The following MEIS2 variants were observed in gnomAD, a reference collection of about 807,000 sequenced individuals.
The protein encoded by MEIS2 is Meis homeobox 2, also known as homeobox protein Meis2.
In MEIS2, 9 loss-of-function variants were observed where a neutral mutation model predicts 58.6. The observed-to-expected ratio is 0.15, with a 90% CI of 0.09 to 0.27. The LOEUF (loss-of-function observed/expected upper bound fraction) is 0.27. Among genes scored for constraint, MEIS2 ranks in the 10% least tolerant of loss-of-function variants. The pLI, the probability that MEIS2 is intolerant of heterozygous loss-of-function variation, is 1.00. For missense variants in MEIS2, 427 were observed against 635.0 expected (o/e 0.67, Z 3.52); for synonymous variants, 221 against 228.4 (o/e 0.97, Z 0.29).
intron 8 of MEIS2, among the ~76,000 whole-genome samples, chr15:36,960,936 C>T (rs913380862): frequency 6.6e-6 from 1 of 152,096 alleles, no homozygotes; most frequent in Non-Finnish European, 1.5e-5. Flanking sequence ...AATAAGAAAG[C>T]TCTTACCCAG....
chr15:37,006,277 C>T (rs186847452), intron 8 of MEIS2, among the ~76,000 whole-genome samples: 1 of 152,164 alleles, frequency 6.6e-6, no homozygotes, highest in Admixed American at 6.5e-5. Flanking sequence ...AGATAATTAG[C>T]TATAAATAAT....
At chr15:37,041,131 G>C (rs773773859) in intron 7 of MEIS2, among the ~76,000 whole-genome samples, 2 of 152,188 alleles carry the variant, frequency 1.3e-5, no homozygotes, top group African/African-American at 2.4e-5. Context: ...CTAGTCTTCT[G>C]GTAGTAAGGG....
intron 9 of MEIS2, among the ~76,000 whole-genome samples, chr15:36,947,273 C>A (rs975020980): frequency 2.0e-5 from 3 of 152,002 alleles, no homozygotes; most frequent in Admixed American, 1.3e-4. Context: ...TTTCTGCATA[C>A]TCCCTACTGT....
intron 8 of MEIS2, among the ~76,000 whole-genome samples, chr15:37,012,986 TGAAATTATTTAAACA>T (rs947486862): frequency 6.6e-6 from 1 of 152,084 alleles, no homozygotes; most frequent in Non-Finnish European, 1.5e-5. Context: ...TTAAAAGGCA[TGAAATTATTTAAACA>T]GAAAAAAAGA....
chr15:36,932,823 G>A (rs1567070466), intron 9 of MEIS2, among the ~76,000 whole-genome samples: 2 of 152,322 alleles, frequency 1.3e-5, no homozygotes, highest in South Asian at 2.1e-4. Flanking sequence ...AAAGCTTTGA[G>A]TGGTATGTTG....
intron 6 of MEIS2, among the ~76,000 whole-genome samples, chr15:37,084,911 A>G (rs1892694419): frequency 6.6e-6 from 1 of 152,204 alleles, no homozygotes; most frequent in Admixed American, 6.5e-5. Flanking sequence ...AGAGCTGTAC[A>G]CTTGTCACCT....
chr15:37,095,954 C>T lies in MEIS2; in HGVS notation c.387+335G>A, dbSNP rs985201522. The T allele has an allele frequency of 6.7e-6, 3 of 447,114 alleles. No homozygotes were observed. The East Asian group carries it at 1.2e-4, about 17-fold the overall frequency. 27.7% of individuals were successfully genotyped at this position (447,114 alleles called of 1,614,324 possible). A position where few individuals can be genotyped will look rare whatever the true frequency, so the allele number is the denominator to read the frequency against. ...AGAGGCGCCCAGCTTCCTTGCCTCC[C>T]GGGCACTCCCGGGTCCCTCACAGCC... is the stretch of plus-strand genomic sequence containing the variant. On this transcript the variant is annotated intron_variant, in intron 3 of 11. Transcript: ENST00000561208.
At chr15:36,899,667 T>A (rs1020301646) in intron 9 of MEIS2, among the ~76,000 whole-genome samples, 1 of 152,166 alleles carries the variant, frequency 6.6e-6, no homozygotes, top group Non-Finnish European at 1.5e-5. Context: ...AATCAACTCA[T>A]CTTCAGTCTT....
chr15:37,071,080 C>G (rs954027431), intron 7 of MEIS2, among the ~76,000 whole-genome samples: 1 of 152,038 alleles, frequency 6.6e-6, no homozygotes, highest in African/African-American at 2.4e-5. Flanking sequence ...CCTAGCAAAT[C>G]AAGCACAAAC....
chr15:36,899,289 A>G (rs2056347698), intron 9 of MEIS2, among the ~76,000 whole-genome samples: 1 of 152,174 alleles, frequency 6.6e-6, no homozygotes, highest in Non-Finnish European at 1.5e-5. Flanking sequence ...TATTGACATC[A>G]TAGATATTAC....
chr15:36,997,154 A>G (rs765983782), intron 8 of MEIS2, among the ~76,000 whole-genome samples: 2 of 152,208 alleles, frequency 1.3e-5, no homozygotes, highest in Non-Finnish European at 2.9e-5. Context: ...AAATTGCCAG[A>G]TGTGAGAGGA....
intron 8 of MEIS2, among the ~76,000 whole-genome samples, chr15:36,955,137 T>G (rs2058912375): frequency 1.3e-5 from 2 of 152,294 alleles, no homozygotes; most frequent in African/African-American, 4.8e-5. Flanking sequence ...TACCTTTTTC[T>G]TTTTTTAATA....
At chr15:37,094,492 T>C (rs1170158721) in intron 5 of MEIS2, 35 bp downstream of exon 5, 1 of 1,604,906 alleles carries the variant, frequency 6.2e-7, no homozygotes, top group Non-Finnish European at 8.5e-7. Flanking sequence ...AGGGAAATGG[T>C]TTAATCAACA....
intron 7 of MEIS2, among the ~76,000 whole-genome samples, chr15:37,038,257 A>G (rs2062245044): frequency 6.6e-6 from 1 of 152,228 alleles, no homozygotes; most frequent in South Asian, 2.1e-4. Context: ...TCTGAGGAAT[A>G]CTAGAGATCC....
At chr15:36,977,091 A>G (rs2059785180) in intron 8 of MEIS2, among the ~76,000 whole-genome samples, 1 of 152,148 alleles carries the variant, frequency 6.6e-6, no homozygotes, top group South Asian at 2.1e-4. Flanking sequence ...GTGGGATTGC[A>G]CTCCAGCCTG....
rs970211288 is a variant in MEIS2, at chr15:36,956,987, T to A, written c.901-6587A>T. Among the ~76,000 whole-genome samples, 13 of 152,124 alleles carry A rather than the reference T, an allele frequency of 8.5e-5. No individual in the cohort carries two copies. In the East Asian group the frequency reaches 2.3e-3, roughly 27 times the overall value. Reference sequence around the variant, plus strand: ...AAAGAAATGATTCATTTTGCTTTAATTTCTATAGCAATACAGATTCTGGTC... The same window carrying A: ...AAAGAAATGATTCATTTTGCTTTAAATTCTATAGCAATACAGATTCTGGTC... On this transcript the variant is annotated intron_variant, in intron 8 of 11. Coordinates refer to ENST00000561208, the MANE Select transcript of MEIS2 (RefSeq NM_170675.5).
chr15:37,097,865 G>C (rs545082953), intron 2 of MEIS2, 102 bp downstream of exon 2: 2 of 1,443,548 alleles, frequency 1.4e-6, no homozygotes, highest in East Asian at 2.5e-5. Flanking sequence ...CCACCATACA[G>C]AAGTAACTCC....
At chr15:36,915,920 G>T (rs1421156499) in intron 9 of MEIS2, among the ~76,000 whole-genome samples, 1 of 152,150 alleles carries the variant, frequency 6.6e-6, no homozygotes, top group African/African-American at 2.4e-5. Flanking sequence ...AGAAAATCTG[G>T]CATAGATGGT....
chr15:37,094,746 A>T (rs1893986718), intron 4 of MEIS2, among the ~76,000 whole-genome samples, 169 bp from the exon 5 acceptor site: 2 of 151,934 alleles, frequency 1.3e-5, no homozygotes, highest in Non-Finnish European at 2.9e-5. Flanking sequence ...AAATCAAGTG[A>T]TTACTGATCA....
Sources: gnomAD v4.1 joint callset for allele counts (sites outside exome capture counted in the v4.1 genomes callset) on GRCh38, gnomAD v4.1.1 for gene constraint, MANE v1.5 for transcripts, NCBI Gene and HGNC (gene_info 2026-07-23, HGNC 2026-07-21) for gene names.